KLK3: variants seen among roughly 807,000 people sequenced by gnomAD.
KLK3 encodes kallikrein related peptidase 3, also known as prostate-specific antigen.
KLK3 carries 23 observed loss-of-function variants against 27.7 expected under a neutral mutation model. That is an observed-to-expected ratio of 0.83 (90% CI 0.60 to 1.17). KLK3 has a LOEUF of 1.17. Ranked by LOEUF, KLK3 falls within the 50% of genes most tolerant of loss-of-function variation. The pLI is 0.00. For missense variants in KLK3, 322 were observed against 338.1 expected, an observed-to-expected ratio of 0.95 and a Z score of 0.37; for synonymous variants, 142 against 134.2, an observed-to-expected ratio of 1.06 and a Z score of -0.40.
At chr19:50,855,229 C>A in intron 1 of KLK3, 1 of 560,414 alleles carries the variant, frequency 1.8e-6, no homozygotes, top group South Asian at 2.3e-5. Flanking sequence ...GAACTTTCTC[C>A]CCATTGCCCA....
At chr19:50,855,240 G>A in intron 1 of KLK3, 2 of 554,338 alleles carry the variant, frequency 3.6e-6, no homozygotes, top group Middle Eastern at 4.8e-4. Context: ...CCATTGCCCA[G>A]CCAGCTCCCT....
intron 4 of KLK3, 134 bp from the exon 5 acceptor site, chr19:50,859,838 C>T (rs1419126635): frequency 1.3e-6 from 2 of 1,498,814 alleles, no homozygotes; most frequent in South Asian, 1.4e-5. Context: ...GAAGTCGGCT[C>T]TGGAGACATT....
At chr19:50,857,966 T>G in intron 2 of KLK3, 63 bp from the exon 3 acceptor site, 1 of 1,519,254 alleles carries the variant, frequency 6.6e-7, no homozygotes, top group Non-Finnish European at 8.9e-7. Context: ...TCCTTGCTCC[T>G]CTGTCCCTTC....
In KLK3 at chr19:50,858,159, C is replaced by G. The variant is rs776101817; in HGVS notation, c.337C>G (p.Pro113Ala). ...MSLLKNRFLRPGDDSSHDLML... is the reference protein window; with the variant it reads ...MSLLKNRFLRAGDDSSHDLML... ...CCTCCTGAAGAATCGATTCCTCAGGCCAGGTGATGACTCCAGCCACGACCT... is the reference window on the plus strand; with the variant it reads ...CCTCCTGAAGAATCGATTCCTCAGGGCAGGTGATGACTCCAGCCACGACCT... Residue 113 changes from proline (P) to alanine (A), a missense_variant, in exon 3 of 5, where the codon CCA (proline) becomes GCA (alanine). Transcript: ENST00000326003. 1.9e-6 allele frequency: 3 copies of G among 1,614,070 alleles called. No individual in the cohort carries two copies. The highest frequency in any genetic ancestry group is 2.7e-5 in the African/African-American group (2 of 74,922).
Position 50,860,195 on chromosome 19 carries a change from C to T in KLK3, c.*68C>T. On this transcript the variant is annotated 3_prime_UTR_variant, in exon 5 of 5. Transcript: ENST00000326003. ...GAAATGACCAGGCCAAGACTCAAGC[C>T]TCCCCAGTTCTACTGACCTTTGTCC... The T allele has an allele frequency of 8.3e-7, 1 of 1,205,018 alleles. No individual in the cohort carries two copies. Among genetic ancestry groups the T allele is most frequent in the Non-Finnish European group, 1.2e-6 (1 of 830,788 alleles). 74.6% of individuals were successfully genotyped at this position (1,205,018 alleles called of 1,614,324 possible). A position where few individuals can be genotyped will look rare whatever the true frequency, so the allele number is the denominator to read the frequency against.
intron 1 of KLK3, chr19:50,855,985 C>A: frequency 2.1e-6 from 1 of 470,508 alleles, no homozygotes; most frequent in Non-Finnish European, 3.8e-6. Context: ...TGTCTCCTAC[C>A]CTGATCCCTG....
chr19:50,856,988 C>A (rs550802310), intron 2 of KLK3, among the ~76,000 whole-genome samples: 2 of 151,774 alleles, frequency 1.3e-5, no homozygotes, highest in South Asian at 4.2e-4. Flanking sequence ...CTGGTGAAAC[C>A]CCATCTCTAC....
chr19:50,857,162 CA>C (rs560911495), intron 2 of KLK3, among the ~76,000 whole-genome samples: 1,033 of 46,396 alleles, frequency 0.022, 2 homozygotes, highest in South Asian at 0.086. Flanking sequence ...GACTCCGCCT[CA>C]AAAAAAAAAA....
At position 50,860,162 on chromosome 19, in the gene KLK3, G is replaced by A. The variant is rs1272432666; in HGVS notation, c.*35G>A. On this transcript the variant is annotated 3_prime_UTR_variant, in exon 5 of 5. Transcript: ENST00000326003. ...TCAACCCCCTATTGTAGTAAACTTGGAACCTTGGAAATGACCAGGCCAAGA... is the reference window on the plus strand; with the variant it reads ...TCAACCCCCTATTGTAGTAAACTTGAAACCTTGGAAATGACCAGGCCAAGA... 6.5e-7 allele frequency: 1 copy of A among 1,534,632 alleles called. No individual in the cohort carries two copies. Among genetic ancestry groups the A allele is most frequent in the Non-Finnish European group, 9.0e-7 (1 of 1,114,012 alleles).
At chr19:50,857,852 T>C in intron 2 of KLK3, 177 bp from the exon 3 acceptor site, 1 of 625,584 alleles carries the variant, frequency 1.6e-6, no homozygotes, top group Non-Finnish European at 2.7e-6. Context: ...CTTCACCCTC[T>C]CACACTGCTG....
chr19:50,858,739 C>A, intron 4 of KLK3, 144 bp downstream of exon 4: 2 of 814,176 alleles, frequency 2.5e-6, no homozygotes, highest in Non-Finnish European at 3.9e-6. Flanking sequence ...TCATCTCATT[C>A]CCTCCTTCCC....
Position 50,856,732 on chromosome 19 carries a change from C to T in KLK3, c.206+333C>T, listed in dbSNP as rs114368210. On this transcript the variant is annotated intron_variant, in intron 2 of 4. Coordinates refer to ENST00000326003, the MANE Select transcript of KLK3 (RefSeq NM_001648.2). Reference sequence around the variant, plus strand: ...TCTCCATATCTCCCCCTCTCTCTGTCCTTCTCTGGTCCCTCTCTAGCCAGT... The same window carrying T: ...TCTCCATATCTCCCCCTCTCTCTGTTCTTCTCTGGTCCCTCTCTAGCCAGT... 754 of 275,102 alleles carry T rather than the reference C, an allele frequency of 2.7e-3. 4 individuals are homozygous for T. Among genetic ancestry groups the T allele is most frequent in the African/African-American group, 0.016 (694 of 44,548 alleles). 17.0% of individuals were successfully genotyped at this position (275,102 alleles called of 1,614,324 possible).
chr19:50,857,574 G>A (rs1000880200), intron 2 of KLK3: 1 of 158,848 alleles, frequency 6.3e-6, no homozygotes, highest in Non-Finnish European at 1.4e-5. Flanking sequence ...ATCATCCCCC[G>A]GATTCCTCTC....
chr19:50,855,358 C>T (rs892656706), intron 1 of KLK3: 13 of 300,386 alleles, frequency 4.3e-5, no homozygotes, highest in South Asian at 1.5e-4. Flanking sequence ...TTCCTTGGAC[C>T]GTATCACTGG....
chr19:50,856,832 C>A, intron 2 of KLK3: 1 of 161,928 alleles, frequency 6.2e-6, no homozygotes, highest in Non-Finnish European at 1.3e-5. Context: ...CCCTACTGAG[C>A]ACACGCATGG....
At position 50,858,027 on chromosome 19, in the gene KLK3, A is replaced by T. The variant is rs1317825062; in HGVS notation, c.207-2A>T. The T allele has an allele frequency of 3.7e-6, 6 of 1,604,198 alleles. No homozygotes were observed. The highest frequency in any genetic ancestry group is 2.7e-5 in the African/African-American group (2 of 74,706). The stretch of plus-strand genomic sequence containing the variant: ...TCATTCCTGCGTCTGCTTCCTCCCC[A>T]GCAAAAGCGTGATCTTGCTGGGTCG... On this transcript the variant is annotated splice_acceptor_variant, in intron 2 of 4. Coordinates refer to ENST00000326003, the MANE Select transcript of KLK3 (RefSeq NM_001648.2). LOFTEE classifies it high-confidence loss of function.
rs536820435 is a variant in KLK3 at position 50,860,129 on chromosome 19, C to T, written c.*2C>T. On this transcript the variant is annotated 3_prime_UTR_variant, in exon 5 of 5. Coordinates refer to ENST00000326003, the MANE Select transcript of KLK3 (RefSeq NM_001648.2). ...GACACCATCGTGGCCAACCCCTGAG[C>T]ACCCCTATCAACCCCCTATTGTAGT... The T allele has an allele frequency of 2.1e-5, 34 of 1,607,790 alleles. No homozygotes were observed. Among genetic ancestry groups the T allele is most frequent in the East Asian group, 4.5e-5 (2 of 44,844 alleles).
At chr19:50,856,967 AGCCTGG>A in intron 2 of KLK3, among the ~76,000 whole-genome samples, 1 of 152,014 alleles carries the variant, frequency 6.6e-6, no homozygotes, top group South Asian at 2.1e-4. Flanking sequence ...GTTCGAGACC[AGCCTGG>A]CCAACTGGTG....
chr19:50,856,302 C>T lies in KLK3; in HGVS notation c.109C>T (p.Pro37Ser), dbSNP rs769617725. ...GGWECEKHSQ[P>S]WQVLVASRGR... ...CTGGGAGTGCGAGAAGCATTCCCAA[C>T]CCTGGCAGGTGCTTGTGGCCTCTCG... Residue 37 changes from proline to serine, a missense_variant, in exon 2 of 5, where the codon CCC (proline) becomes TCC (serine). By Grantham distance (74) the Pro-to-Ser change is moderately conservative. Coordinates refer to ENST00000326003, the MANE Select transcript of KLK3 (RefSeq NM_001648.2). The T allele has an allele frequency of 1.1e-5, 18 of 1,613,366 alleles. No homozygotes were observed. The Admixed American group carries it at 2.0e-4, about 18-fold the overall frequency.
Sources: gnomAD v4.1 joint callset for allele counts (sites outside exome capture counted in the v4.1 genomes callset) on GRCh38, gnomAD v4.1.1 for gene constraint, MANE v1.5 for transcripts, NCBI Gene and HGNC (gene_info 2026-07-23, HGNC 2026-07-21) for gene names.